BMPR1A: variants seen among roughly 807,000 people sequenced by gnomAD.
BMPR1A encodes bone morphogenetic protein receptor type 1A.
In BMPR1A, 7 loss-of-function variants were observed where a neutral mutation model predicts 66.0. The observed-to-expected ratio is 0.11, with a 90% CI of 0.06 to 0.20. The LOEUF is 0.20. BMPR1A is among the 10% of genes least tolerant of loss of function. The pLI is 1.00. For synonymous variants in BMPR1A, 200 were observed against 229.7 expected (o/e 0.87, Z 1.17); for missense variants, 408 against 669.1 (o/e 0.61, Z 4.31).
intron 2 of BMPR1A, among the ~76,000 whole-genome samples, chr10:86,874,183 G>A (rs1842889129): frequency 6.6e-6 from 1 of 152,088 alleles, no homozygotes; most frequent in South Asian, 2.1e-4. Context: ...TATATATCTT[G>A]ATACTAATTA....
chr10:86,928,118 G>C (rs1843769534), downstream of BMPR1A: 1 of 163,994 alleles, frequency 6.1e-6, no homozygotes, highest in African/African-American at 2.4e-5. Context: ...ATGGAGCACA[G>C]GTAGGTACAC....
At chr10:86,827,427 C>T (rs1217842832) in intron 1 of BMPR1A, among the ~76,000 whole-genome samples, 3 of 152,100 alleles carry the variant, frequency 2.0e-5, no homozygotes, top group Non-Finnish European at 4.4e-5. Flanking sequence ...GAATATACCA[C>T]AGTCCATTTT....
intron 1 of BMPR1A, among the ~76,000 whole-genome samples, chr10:86,793,354 G>T (rs1442915303): frequency 6.7e-6 from 1 of 148,354 alleles, no homozygotes; most frequent in African/African-American, 2.5e-5. Flanking sequence ...TGACACGCTT[G>T]CTCACTGACA....
intron 2 of BMPR1A, among the ~76,000 whole-genome samples, chr10:86,857,386 G>A (rs1227093369): frequency 6.6e-6 from 1 of 152,128 alleles, no homozygotes; most frequent in Non-Finnish European, 1.5e-5. Flanking sequence ...GTCAAAGACT[G>A]AATACATTAT....
At chr10:86,825,895 A>G (rs188405995) in intron 1 of BMPR1A, among the ~76,000 whole-genome samples, 12 of 152,360 alleles carry the variant, frequency 7.9e-5, no homozygotes, top group Admixed American at 7.8e-4. Flanking sequence ...AAGCTCTGTC[A>G]TACTAACACT....
At chr10:86,770,260 C>A (rs974371986) in intron 1 of BMPR1A, among the ~76,000 whole-genome samples, 1 of 152,230 alleles carries the variant, frequency 6.6e-6, no homozygotes, top group Admixed American at 6.5e-5. Flanking sequence ...TACTGCACAT[C>A]AGCCTAAGTG....
At chr10:86,773,096 T>C (rs1313755649) in intron 1 of BMPR1A, among the ~76,000 whole-genome samples, 1 of 151,814 alleles carries the variant, frequency 6.6e-6, no homozygotes, top group Admixed American at 6.6e-5. Context: ...AAATAGAAAG[T>C]TCTGAAAATT....
rs1455521446 is a variant in BMPR1A, at chr10:86,830,619, ATATATCCTCTTCAATAAAATGTCTT to A, written c.-267-8240_-267-8216del. On this transcript the variant is annotated intron_variant, in intron 1 of 12. Coordinates refer to ENST00000372037, the MANE Select transcript of BMPR1A (RefSeq NM_004329.3). ...CTTTTCATGCGCGTATTTGCCGTCT[ATATATCCTCTTCAATAAAATGTCTT>A]TATATTTCTTGCCCATTTTCTAGTT... Among the ~76,000 whole-genome samples, 114 of 152,158 alleles carry A rather than the reference ATATATCCTCTTCAATAAAATGTCTT, an allele frequency of 7.5e-4. 1 individual carries two copies. Among genetic ancestry groups the A allele is most frequent in the Non-Finnish European group, 5.9e-5 (4 of 68,030 alleles).
chr10:86,834,745 T>G (rs1311517310), intron 1 of BMPR1A, among the ~76,000 whole-genome samples: 1 of 152,218 alleles, frequency 6.6e-6, no homozygotes, highest in Non-Finnish European at 1.5e-5. Context: ...AAAACCACAT[T>G]ATGTTTTTCT....
At chr10:86,774,384 G>A (rs1035496014) in intron 1 of BMPR1A, among the ~76,000 whole-genome samples, 13 of 151,912 alleles carry the variant, frequency 8.6e-5, no homozygotes, top group African/African-American at 3.1e-4. Context: ...CTTGGACCAT[G>A]GGCCAAGCCT....
At chr10:86,903,038 G>A (rs1445326520) in intron 7 of BMPR1A, among the ~76,000 whole-genome samples, 1 of 152,090 alleles carries the variant, frequency 6.6e-6, no homozygotes, top group African/African-American at 2.4e-5. Context: ...CTAAAAGCAA[G>A]CCCCAAACAG....
intron 1 of BMPR1A, among the ~76,000 whole-genome samples, chr10:86,820,926 GTGGAAAATT>G (rs879931329): frequency 1.3e-5 from 2 of 152,084 alleles, no homozygotes; most frequent in African/African-American, 2.4e-5. Flanking sequence ...TCATCCTGCA[GTGGAAAATT>G]TGGAAAATAT....
chr10:86,849,682 A>AGT (rs1438947791), intron 2 of BMPR1A, among the ~76,000 whole-genome samples: 1 of 152,374 alleles, frequency 6.6e-6, no homozygotes, highest in Middle Eastern at 3.4e-3. Context: ...ACATATGGTT[A>AGT]GTGGCTACTT....
chr10:86,914,715 G>A (rs1843539123), intron 8 of BMPR1A, among the ~76,000 whole-genome samples: 1 of 152,170 alleles, frequency 6.6e-6, no homozygotes, highest in Non-Finnish European at 1.5e-5. Flanking sequence ...ATTAAGTGGT[G>A]CCAAAGATGT....
rs1206778281 is a variant in BMPR1A, at chr10:86,925,656, C to A, written c.*1937C>A. On this transcript the variant is annotated 3_prime_UTR_variant, in exon 13 of 13. Transcript: ENST00000372037. The stretch of plus-strand genomic sequence containing the variant: ...GTATGATATGATTGCACTTAGAACA[C>A]CCAATTTACTTAAATCTTGGTTTAC... 1 of 191,720 alleles carries A rather than the reference C, an allele frequency of 5.2e-6. No individual in the cohort carries two copies. The highest frequency in any genetic ancestry group is 8.4e-5 in the East Asian group (1 of 11,910). 11.9% of individuals were successfully genotyped at this position (191,720 alleles called of 1,614,324 possible).
intron 2 of BMPR1A, among the ~76,000 whole-genome samples, chr10:86,867,909 T>G (rs1842806119): frequency 6.6e-6 from 1 of 152,200 alleles, no homozygotes; most frequent in Non-Finnish European, 1.5e-5. Context: ...CAGGGACAGT[T>G]GAGCAGAAAT....
chr10:86,821,879 C>T (rs1227854772), intron 1 of BMPR1A, among the ~76,000 whole-genome samples: 2 of 152,100 alleles, frequency 1.3e-5, no homozygotes, highest in Non-Finnish European at 2.9e-5. Flanking sequence ...TCATGGCTCA[C>T]TGCAGTCTGG....
chr10:86,871,924 G>T (rs1842859787), intron 2 of BMPR1A, among the ~76,000 whole-genome samples: 1 of 152,108 alleles, frequency 6.6e-6, no homozygotes, highest in Non-Finnish European at 1.5e-5. Flanking sequence ...GGTTCTTTTG[G>T]TTGTATCTCA....
At chr10:86,859,196 A>G (rs1742281810) in intron 2 of BMPR1A, among the ~76,000 whole-genome samples, 1 of 152,204 alleles carries the variant, frequency 6.6e-6, no homozygotes, top group East Asian at 1.9e-4. Context: ...GTGCTGGGAA[A>G]ACTGGATATA....
Sources: gnomAD v4.1 joint callset for allele counts (sites outside exome capture counted in the v4.1 genomes callset) on GRCh38, gnomAD v4.1.1 for gene constraint, MANE v1.5 for transcripts, NCBI Gene and HGNC (gene_info 2026-07-23, HGNC 2026-07-21) for gene names.